Variants in KANK1 observed in about 807,000 individuals in gnomAD.
KANK1 encodes the protein KN motif and ankyrin repeat domain-containing protein 1.
Under a neutral mutation model 106.2 loss-of-function variants are expected in KANK1, and 109 were observed. The ratio of observed to expected loss-of-function variants is 1.03; its 90% CI spans 0.88 to 1.20. The LOEUF is 1.20. Among genes scored for constraint, KANK1 ranks in the 50% most tolerant of loss-of-function variants. The pLI, the probability that KANK1 is intolerant of heterozygous loss-of-function variation, is 0.00. For synonymous variants in KANK1, 873 were observed against 652.2 expected (o/e 1.34, Z -5.16); for missense variants, 2,399 against 1,710.7 (o/e 1.40, Z -7.10).
chr9:550,082 A>G lies in KANK1; in HGVS notation c.-84+45328A>G, dbSNP rs180911654. ...CTCGTGAGGAATGTCAGCAGTCGCAACACCACTGGGTTGGATGCAGGATAA... is the reference window on the plus strand; with the variant it reads ...CTCGTGAGGAATGTCAGCAGTCGCAGCACCACTGGGTTGGATGCAGGATAA... On this transcript the variant is annotated intron_variant, in intron 1 of 11. Transcript: ENST00000382297. 2.0e-4 allele frequency among the ~76,000 whole-genome samples: 31 copies of G among 152,266 alleles called. 1 individual carries two copies. The East Asian group carries it at 6.0e-3, about 29-fold the overall frequency.
rs371845336 is a variant in KANK1, at chr9:550,176, CTG to C, written c.-84+45425_-84+45426del. Reference sequence around the variant, plus strand: ...CAGGTGGGATAAATAAGCAGACAGTCTGTGGTAGGTTCCCCCACCCCAACCGC... The same window carrying C: ...CAGGTGGGATAAATAAGCAGACAGTCTGGTAGGTTCCCCCACCCCAACCGC... On this transcript the variant is annotated intron_variant, in intron 1 of 11. Transcript: ENST00000382297. Among the ~76,000 whole-genome samples the C allele has an allele frequency of 3.3e-3, 506 of 152,224 alleles. 1 individual carries two copies. The highest frequency in any genetic ancestry group is 0.012 in the African/African-American group (493 of 41,522).
At position 745,366 on chromosome 9, in the gene KANK1, T is replaced by C; in HGVS notation, c.*131T>C. On this transcript the variant is annotated 3_prime_UTR_variant, in exon 12 of 12. Transcript: ENST00000382297. ...CAAACAGAAGCATCAAGCCCAGGGG[T>C]AAAGGCTGAAGCTTTCACAGTGCAG... is the stretch of plus-strand genomic sequence containing the variant. The C allele has an allele frequency of 1.7e-6, 2 of 1,180,670 alleles. No homozygotes were observed. The highest frequency in any genetic ancestry group is 2.6e-5 in the South Asian group (2 of 75,734). 73.1% of individuals were successfully genotyped at this position (1,180,670 alleles called of 1,614,324 possible).
intron 3 of KANK1, among the ~76,000 whole-genome samples, chr9:729,295 T>A (rs1268689946): frequency 1.3e-5 from 2 of 152,162 alleles, no homozygotes; most frequent in African/African-American, 4.8e-5. Flanking sequence ...TCTTGTACAT[T>A]GTATCACAGA....
At chr9:706,244 C>A (rs1273263257) in intron 2 of KANK1, among the ~76,000 whole-genome samples, 2 of 152,206 alleles carry the variant, frequency 1.3e-5, no homozygotes, top group Admixed American at 6.5e-5. Context: ...GCAAGCCTAA[C>A]TTAGTTAAAT....
chr9:617,556 A>G (rs995192686), intron 1 of KANK1, among the ~76,000 whole-genome samples: 2 of 152,304 alleles, frequency 1.3e-5, no homozygotes, highest in East Asian at 3.9e-4. Flanking sequence ...AGAGCCCAGT[A>G]TCACCTTTAC....
At chr9:604,702 C>T (rs1166467149) in intron 1 of KANK1, among the ~76,000 whole-genome samples, 1 of 151,678 alleles carries the variant, frequency 6.6e-6, no homozygotes, top group Non-Finnish European at 1.5e-5. Flanking sequence ...GGGTGGCGCA[C>T]ACCTGTAATC....
At chr9:502,689 A>AT (rs890820053), upstream of KANK1, among the ~76,000 whole-genome samples, 3 of 151,872 alleles carry the variant, frequency 2.0e-5, no homozygotes, top group Admixed American at 2.0e-4. Context: ...CGCCCAGCGA[A>AT]TTTTTTTGTA....
intron 1 of KANK1, among the ~76,000 whole-genome samples, chr9:516,916 AG>A (rs1320309137): frequency 6.6e-6 from 1 of 151,044 alleles, no homozygotes; most frequent in African/African-American, 2.5e-5. Context: ...TGGGTTACGA[AG>A]AAATTTGTCC....
At chr9:634,470 T>G (rs563828035) in intron 1 of KANK1, among the ~76,000 whole-genome samples, 1 of 152,122 alleles carries the variant, frequency 6.6e-6, no homozygotes, top group Admixed American at 6.5e-5. Context: ...ATAGGAGCAA[T>G]TGGGGAAGTC....
intron 1 of KANK1, among the ~76,000 whole-genome samples, chr9:638,681 T>C (rs952351509): frequency 3.3e-5 from 5 of 152,226 alleles, no homozygotes; most frequent in African/African-American, 1.2e-4. Flanking sequence ...AGATGGACTT[T>C]GTTGTCTTTC....
Position 696,622 on chromosome 9 carries a change from G to A in KANK1, c.38-14182G>A, listed in dbSNP as rs140516833. ...ATTTCTCAGTACGTTGAGGTTTGGG[G>A]TGGGGAGGAACCTGGGAGGTGCTGG... On this transcript the variant is annotated intron_variant, in intron 2 of 11. Transcript: ENST00000382297. Among the ~76,000 whole-genome samples the A allele has an allele frequency of 3.2e-3, 480 of 152,226 alleles. 5 individuals are homozygous for A. The highest frequency in any genetic ancestry group is 0.011 in the African/African-American group (460 of 41,510).
chr9:572,150 A>AC (rs774359841), intron 1 of KANK1, among the ~76,000 whole-genome samples: 2 of 111,340 alleles, frequency 1.8e-5, no homozygotes, highest in African/African-American at 6.6e-5. Context: ...ATAAACAGTG[A>AC]TTTTTTTTTT....
chr9:517,203 A>C (rs2059321922), intron 1 of KANK1, among the ~76,000 whole-genome samples: 1 of 151,782 alleles, frequency 6.6e-6, no homozygotes, highest in Non-Finnish European at 1.5e-5. Flanking sequence ...CCGACGGTTC[A>C]AGCAGTTCTC....
At chr9:615,155 G>A (rs1831502260) in intron 1 of KANK1, among the ~76,000 whole-genome samples, 1 of 152,096 alleles carries the variant, frequency 6.6e-6, no homozygotes, top group African/African-American at 2.4e-5. Flanking sequence ...GACTGGTCCT[G>A]AACTCCTGGC....
chr9:713,745 G>A (rs931328148), intron 3 of KANK1, among the ~76,000 whole-genome samples: 2 of 152,174 alleles, frequency 1.3e-5, no homozygotes, highest in African/African-American at 4.8e-5. Context: ...GGGGCTGCTA[G>A]TTTGGTAAGA....
At chr9:535,387 C>T (rs2060250366) in intron 1 of KANK1, among the ~76,000 whole-genome samples, 1 of 152,164 alleles carries the variant, frequency 6.6e-6, no homozygotes, top group African/African-American at 2.4e-5. Context: ...AAGGAAGGAT[C>T]TATTCCTGCC....
chr9:508,121 CTTTTTTTTTT>C (rs71314711), intron 1 of KANK1, among the ~76,000 whole-genome samples: 2,300 of 39,428 alleles, frequency 0.058, 156 homozygotes, highest in South Asian at 0.28. Flanking sequence ...CCTGCTCAGC[CTTTTTTTTTT>C]TTTTTTTTTT....
At chr9:598,838 G>C (rs1039713859) in intron 1 of KANK1, among the ~76,000 whole-genome samples, 7 of 148,804 alleles carry the variant, frequency 4.7e-5, no homozygotes, top group Non-Finnish European at 1.0e-4. Flanking sequence ...TGACGTGTTG[G>C]CCAGACTGGT....
At chr9:664,637 G>A (rs919872641) in intron 1 of KANK1, among the ~76,000 whole-genome samples, 1 of 152,122 alleles carries the variant, frequency 6.6e-6, no homozygotes, top group African/African-American at 2.4e-5. Flanking sequence ...CAATAAACAT[G>A]CAAGTACAGA....
Sources: gnomAD v4.1 joint callset for allele counts (sites outside exome capture counted in the v4.1 genomes callset) on GRCh38, gnomAD v4.1.1 for gene constraint, MANE v1.5 for transcripts, NCBI Gene and HGNC (gene_info 2026-07-23, HGNC 2026-07-21) for gene names.